Variants in MMP16 observed in about 807,000 individuals in gnomAD.
MMP16 encodes matrix metallopeptidase 16, also known as matrix metalloproteinase-16.
Under a neutral mutation model 67.8 loss-of-function variants are expected in MMP16, and 12 were observed. That is an observed-to-expected ratio of 0.18 (90% CI 0.11 to 0.29). The LOEUF is 0.29. Among genes scored for constraint, MMP16 ranks in the 10% least tolerant of loss-of-function variants. MMP16 has a pLI of 1.00. For missense variants in MMP16, 475 were observed against 765.7 expected, an observed-to-expected ratio of 0.62 and a Z score of 4.48; for synonymous variants, 249 against 255.9, an observed-to-expected ratio of 0.97 and a Z score of 0.26.
At chr8:88,255,085 T>G (rs1810281161) in intron 1 of MMP16, among the ~76,000 whole-genome samples, 1 of 152,204 alleles carries the variant, frequency 6.6e-6, no homozygotes, top group Admixed American at 6.5e-5. Flanking sequence ...AATCTCATGT[T>G]GAAATGTGAT....
chr8:88,180,982 C>G (rs1422776659), intron 3 of MMP16, among the ~76,000 whole-genome samples: 1 of 152,060 alleles, frequency 6.6e-6, no homozygotes, highest in African/African-American at 2.4e-5. Context: ...TTGTCAAAAT[C>G]CAACGCCCAT....
At chr8:88,231,335 T>C (rs1809856305) in intron 1 of MMP16, among the ~76,000 whole-genome samples, 1 of 152,190 alleles carries the variant, frequency 6.6e-6, no homozygotes, top group Non-Finnish European at 1.5e-5. Flanking sequence ...ATTCAATAGA[T>C]TTCTAGTGTG....
chr8:88,056,667 C>T (rs375848192), intron 7 of MMP16, among the ~76,000 whole-genome samples: 6 of 152,180 alleles, frequency 3.9e-5, no homozygotes, highest in South Asian at 2.1e-4. Context: ...TTTTGAGCAA[C>T]GGGTATGCCC....
At chr8:88,262,579 G>A (rs145906480) in intron 1 of MMP16, among the ~76,000 whole-genome samples, 2,640 of 152,220 alleles carry the variant, frequency 0.017, 54 homozygotes, top group African/African-American at 0.048. Context: ...TCAATATAGT[G>A]GTAGTTATAT....
intron 1 of MMP16, among the ~76,000 whole-genome samples, chr8:88,320,735 A>C (rs1165104899): frequency 6.6e-6 from 1 of 152,124 alleles, no homozygotes; most frequent in Non-Finnish European, 1.5e-5. Context: ...AAGCCATTGG[A>C]GTCTTTAAGC....
intron 6 of MMP16, among the ~76,000 whole-genome samples, chr8:88,082,179 A>G (rs951260743): frequency 6.6e-6 from 1 of 152,070 alleles, no homozygotes; most frequent in African/African-American, 2.4e-5. Flanking sequence ...ACACACACAC[A>G]CAGTTTATAA....
chr8:88,085,612 A>T (rs1319428589), intron 6 of MMP16, among the ~76,000 whole-genome samples: 2 of 152,006 alleles, frequency 1.3e-5, no homozygotes, highest in African/African-American at 4.8e-5. Flanking sequence ...AAATATTAAC[A>T]AGTGATTCTT....
At chr8:88,190,060 T>G (rs116200708) in intron 2 of MMP16, among the ~76,000 whole-genome samples, 2,701 of 152,300 alleles carry the variant, frequency 0.018, 86 homozygotes, top group African/African-American at 0.059. Context: ...AACAAATGAT[T>G]ATTGCAGAGA....
Position 88,041,071 on chromosome 8 carries a change from T to A in MMP16, c.*390A>T, listed in dbSNP as rs1177950327. 1 of 161,388 alleles carries A rather than the reference T, an allele frequency of 6.2e-6. No individual in the cohort carries two copies. Among genetic ancestry groups the A allele is most frequent in the Non-Finnish European group, 1.3e-5 (1 of 74,428 alleles). 10.0% of individuals were successfully genotyped at this position (161,388 alleles called of 1,614,324 possible). On this transcript the variant is annotated 3_prime_UTR_variant, in exon 10 of 10. Coordinates refer to ENST00000286614, the MANE Select transcript of MMP16 (RefSeq NM_005941.5). The surrounding 1 kb of genome is among the most constrained non-coding windows in gnomAD (Gnocchi z 6.0). ...AAAACCGTGGGTTTTCTGATTTGCTTTTTTTTTCTCCCCCCAGAAATGGGC... is the reference window on the plus strand; with the variant it reads ...AAAACCGTGGGTTTTCTGATTTGCTATTTTTTTCTCCCCCCAGAAATGGGC...
At chr8:88,084,892 C>A (rs1299205870) in intron 6 of MMP16, among the ~76,000 whole-genome samples, 2 of 151,678 alleles carry the variant, frequency 1.3e-5, no homozygotes, top group Non-Finnish European at 2.9e-5. Context: ...TTTATTAAAC[C>A]TCCATTGACT....
intron 1 of MMP16, among the ~76,000 whole-genome samples, chr8:88,325,050 T>C (rs892941307): frequency 4.6e-5 from 7 of 152,184 alleles, no homozygotes; most frequent in African/African-American, 1.7e-4. Context: ...GACTTATCTG[T>C]CAGGCTTAAA....
intron 1 of MMP16, among the ~76,000 whole-genome samples, chr8:88,304,386 C>T (rs1010110049): frequency 6.6e-6 from 1 of 152,108 alleles, no homozygotes; most frequent in African/African-American, 2.4e-5. Flanking sequence ...GGATATCATC[C>T]AGGAGAACTT....
At chr8:88,091,775 T>C (rs966333053) in intron 6 of MMP16, among the ~76,000 whole-genome samples, 1 of 151,926 alleles carries the variant, frequency 6.6e-6, no homozygotes, top group African/African-American at 2.4e-5. Flanking sequence ...ACTAGCCATG[T>C]GTAGCTACTT....
intron 6 of MMP16, 65 bp downstream of exon 6, chr8:88,116,440 CTT>C (rs1392688603): frequency 5.1e-6 from 7 of 1,382,924 alleles, no homozygotes; most frequent in Middle Eastern, 1.8e-4. Context: ...TGAATGAGAA[CTT>C]GTTTTCTAAA....
rs991133470 is a variant in MMP16 at position 88,127,932 on chromosome 8, C to T, written c.710-9071G>A. On this transcript the variant is annotated intron_variant, in intron 4 of 9. Transcript: ENST00000286614. ...AAAACTGCTTGAAGACATACTGTAA[C>T]ACCACTGATACGAAGCTGTTATACA... Among the ~76,000 whole-genome samples, 10 of 151,914 alleles carry T rather than the reference C, an allele frequency of 6.6e-5. No individual in the cohort carries two copies. The South Asian group carries it at 1.4e-3, about 22-fold the overall frequency.
chr8:88,081,892 CA>C, intron 6 of MMP16, among the ~76,000 whole-genome samples: 1 of 152,072 alleles, frequency 6.6e-6, no homozygotes, highest in Non-Finnish European at 1.5e-5. Flanking sequence ...AGCATGTATA[CA>C]GTAGCTGTTT....
At position 88,327,195 on chromosome 8, in the gene MMP16, GAGT is replaced by G. The variant is rs1811553958; in HGVS notation, c.9_11del (p.Leu3_Leu4delinsPhe). The stretch of plus-strand genomic sequence containing the variant: ...CCAACCGTCTTCCAGTGCTGAATGT[GAGT>G]AAGATCATAGTGAACTGTGCTTCAA... On this transcript the variant is annotated inframe_deletion, in exon 1 of 10. Coordinates refer to ENST00000286614, the MANE Select transcript of MMP16 (RefSeq NM_005941.5). The G allele has an allele frequency of 6.2e-7, 1 of 1,613,918 alleles. No individual in the cohort carries two copies. Among genetic ancestry groups the G allele is most frequent in the Non-Finnish European group, 8.5e-7 (1 of 1,179,972 alleles).
chr8:88,218,275 A>T (rs532319751), intron 1 of MMP16, among the ~76,000 whole-genome samples: 8 of 152,158 alleles, frequency 5.3e-5, no homozygotes, highest in Admixed American at 2.6e-4. Context: ...AATGATGCAC[A>T]GGAAGCTAAG....
intron 1 of MMP16, among the ~76,000 whole-genome samples, chr8:88,292,620 A>T (rs1236066462): frequency 6.6e-6 from 1 of 152,204 alleles, no homozygotes; most frequent in Non-Finnish European, 1.5e-5. Flanking sequence ...TGAGATAACG[A>T]TCACTTTCTG....
Sources: gnomAD v4.1 joint callset for allele counts (sites outside exome capture counted in the v4.1 genomes callset) on GRCh38, gnomAD v4.1.1 for gene constraint, Gnocchi (gnomAD v3.1) non-coding constraint, MANE v1.5 for transcripts, NCBI Gene and HGNC (gene_info 2026-07-23, HGNC 2026-07-21) for gene names.